The following ADAMTS9 variants were observed in gnomAD, a reference collection of about 807,000 sequenced individuals.
The protein encoded by ADAMTS9 is ADAM metallopeptidase with thrombospondin type 1 motif 9.
ADAMTS9 carries 107 observed loss-of-function variants against 257.1 expected under a neutral mutation model. That is an observed-to-expected ratio of 0.42 (90% CI 0.36 to 0.49). ADAMTS9 has a LOEUF of 0.49. Among genes scored for constraint, ADAMTS9 ranks in the 20% least tolerant of loss-of-function variants. ADAMTS9 has a pLI of 0.03. For synonymous variants in ADAMTS9, 982 were observed against 880.9 expected (o/e 1.11, Z -2.03); for missense variants, 2,353 against 2,469.1 (o/e 0.95, Z 1.00).
At chr3:64,594,112 C>A in intron 28 of ADAMTS9, 146 bp downstream of exon 28, 1 of 844,280 alleles carries the variant, frequency 1.2e-6, no homozygotes. Flanking sequence ...CTATTATGTG[C>A]CAATATGGAG....
chr3:64,638,734 C>T (rs891196211), intron 12 of ADAMTS9, among the ~76,000 whole-genome samples: 1 of 152,084 alleles, frequency 6.6e-6, no homozygotes. Context: ...TGGAGTAGAG[C>T]ATAATCTCAT....
intron 26 of ADAMTS9, among the ~76,000 whole-genome samples, chr3:64,597,670 G>C (rs771695422): frequency 3.9e-5 from 6 of 152,114 alleles, no homozygotes; most frequent in Non-Finnish European, 7.4e-5. Context: ...CGTGCTTTCA[G>C]CCTAACACCC....
rs1347072758 is a variant in ADAMTS9, at chr3:64,521,420, G to C, written c.*5+746C>G. Reference sequence around the variant, plus strand: ...AGAACTAAAAATATAACTACCATTTGACCCAGCAATCCATTACTGGGTATA... The same window carrying C: ...AGAACTAAAAATATAACTACCATTTCACCCAGCAATCCATTACTGGGTATA... On this transcript the variant is annotated intron_variant, in intron 39 of 39. Coordinates refer to ENST00000498707, the MANE Select transcript of ADAMTS9 (RefSeq NM_182920.2). 2.0e-5 allele frequency: 3 copies of C among 152,234 alleles called. No homozygotes were observed. The East Asian group carries it at 5.8e-4, about 29-fold the overall frequency. 9.4% of individuals were successfully genotyped at this position (152,234 alleles called of 1,614,324 possible). A position where few individuals can be genotyped will look rare whatever the true frequency, so the allele number is the denominator to read the frequency against.
chr3:64,593,591 C>G lies in ADAMTS9; in HGVS notation c.4356+667G>C, dbSNP rs539577953. On this transcript the variant is annotated intron_variant, in intron 28 of 39. Transcript: ENST00000498707. ...TGGCAAACCTGTCTCACCATGTCAG[C>G]TGCTGGCTAAGCAGATAGCAAAGGA... Among the ~76,000 whole-genome samples, 47 of 152,304 alleles carry G rather than the reference C, an allele frequency of 3.1e-4. No homozygotes were observed. In the South Asian group the frequency reaches 7.7e-3, roughly 25 times the overall value.
chr3:64,548,547 TCTTGACC>T (rs1400104690), intron 31 of ADAMTS9, among the ~76,000 whole-genome samples: 1 of 151,688 alleles, frequency 6.6e-6, no homozygotes. Flanking sequence ...GGAATGAGAC[TCTTGACC>T]CCTACAAACC....
chr3:64,531,704 C>A (rs183816234), intron 38 of ADAMTS9, among the ~76,000 whole-genome samples: 91 of 152,240 alleles, frequency 6.0e-4, no homozygotes, highest in Admixed American at 1.6e-3. Flanking sequence ...TAGGATCAGG[C>A]GATCCTCACT....
At chr3:64,607,863 G>T (rs1169071413) in intron 22 of ADAMTS9, among the ~76,000 whole-genome samples, 1 of 152,240 alleles carries the variant, frequency 6.6e-6, no homozygotes, top group East Asian at 1.9e-4. Flanking sequence ...AACGTGCAGG[G>T]ATCTTTTTTA....
chr3:64,669,734 C>G (rs1009138220), intron 3 of ADAMTS9, among the ~76,000 whole-genome samples: 3 of 151,882 alleles, frequency 2.0e-5, no homozygotes, highest in Non-Finnish European at 2.9e-5. Context: ...CAGAATAACT[C>G]CAAAAGAGAG....
At chr3:64,652,930 AATT>A (rs753780910) in intron 8 of ADAMTS9, among the ~76,000 whole-genome samples, 7 of 152,214 alleles carry the variant, frequency 4.6e-5, no homozygotes, top group Non-Finnish European at 7.3e-5. Flanking sequence ...TCATGCATAA[AATT>A]ATTTAAAAAT....
At chr3:64,535,416 T>C (rs2083036772) in intron 37 of ADAMTS9, among the ~76,000 whole-genome samples, 1 of 152,120 alleles carries the variant, frequency 6.6e-6, no homozygotes, top group Non-Finnish European at 1.5e-5. Flanking sequence ...GACAATATGC[T>C]ACAGAGGTTC....
intron 28 of ADAMTS9, chr3:64,587,967 T>G (rs1356000549): frequency 6.6e-6 from 1 of 152,076 alleles, no homozygotes; most frequent in African/African-American, 2.4e-5. Flanking sequence ...GGCAGAAGAT[T>G]AGGTTCTCCA....
At chr3:64,569,951 G>C (rs1015978327) in intron 28 of ADAMTS9, among the ~76,000 whole-genome samples, 39 of 152,112 alleles carry the variant, frequency 2.6e-4, no homozygotes, top group African/African-American at 9.4e-4. Context: ...TCTATATAAA[G>C]ACTTTGCGAT....
intron 21 of ADAMTS9, among the ~76,000 whole-genome samples, chr3:64,614,694 T>C (rs2084728440): frequency 6.6e-6 from 1 of 152,228 alleles, no homozygotes; most frequent in Non-Finnish European, 1.5e-5. Flanking sequence ...TACTATATCA[T>C]AAAAGCAAGA....
In ADAMTS9 at chr3:64,655,839, A is replaced by C. The variant is rs769277488; in HGVS notation, c.1006T>G (p.Leu336Val). Residue 336 changes from leucine (L) to valine (V), a missense_variant, in exon 5 of 40, where the codon TTA (leucine) becomes GTA (valine). Around this residue, in one of 3 missense-constraint regions of ADAMTS9, gnomAD observed 591 missense variants for 569.6 expected, o/e 1.04. Coordinates refer to ENST00000498707, the MANE Select transcript of ADAMTS9 (RefSeq NM_182920.2). ...AAGTTCACAATAACAATATTAATTA[A>C]ATTTCCAATACTTGGGTCTTTATAG... is the stretch of plus-strand genomic sequence containing the variant. Reference protein sequence around the residue: ...SIYKDPSIGNLINIVIVNLIV... With the variant: ...SIYKDPSIGNVINIVIVNLIV... 4.5e-6 allele frequency: 7 copies of C among 1,572,116 alleles called. No individual in the cohort carries two copies. The highest frequency in any genetic ancestry group is 2.1e-5 in the Admixed American group (1 of 48,500).
intron 36 of ADAMTS9, among the ~76,000 whole-genome samples, chr3:64,540,686 G>A (rs1262800195): frequency 6.6e-6 from 1 of 152,124 alleles, no homozygotes; most frequent in Non-Finnish European, 1.5e-5. Context: ...TGACCCCTGT[G>A]CCTGGCTAAC....
rs549373162 is a variant in ADAMTS9, at chr3:64,687,669, C to T, written c.-12G>A. On this transcript the variant is annotated 5_prime_UTR_variant, in exon 1 of 40. The change creates a new upstream start codon in the 5' untranslated region. Coordinates refer to ENST00000498707, the MANE Select transcript of ADAMTS9 (RefSeq NM_182920.2). The surrounding 1 kb of genome is among the most constrained non-coding windows in gnomAD (Gnocchi z 4.4). ...GATACAAACTGCATGGTGCTTCCCA[C>T]CCCTCCCTCCGCTGCCCCCACCCCC... 9 of 1,497,518 alleles carry T rather than the reference C, an allele frequency of 6.0e-6. No homozygotes were observed. The South Asian group carries it at 1.1e-4, about 19-fold the overall frequency. The allele number at this position is 1,497,518 out of a possible 1,614,324, so 92.8% of individuals were successfully genotyped here. A position where few individuals can be genotyped will look rare whatever the true frequency, so the allele number is the denominator to read the frequency against.
At chr3:64,569,849 C>G (rs1220101827) in intron 28 of ADAMTS9, among the ~76,000 whole-genome samples, 2 of 152,094 alleles carry the variant, frequency 1.3e-5, no homozygotes, top group Non-Finnish European at 2.9e-5. Flanking sequence ...TTCTGAAAAT[C>G]TTAATGGAGT....
chr3:64,534,427 C>T (rs904403139), intron 37 of ADAMTS9, among the ~76,000 whole-genome samples: 1 of 152,158 alleles, frequency 6.6e-6, no homozygotes, highest in Non-Finnish European at 1.5e-5. Context: ...TGTAAGTGTT[C>T]GTGTGATCTC....
At chr3:64,597,075 A>C (rs75012446) in intron 26 of ADAMTS9, 84 bp from the exon 27 acceptor site, 6 of 1,542,014 alleles carry the variant, frequency 3.9e-6, no homozygotes, top group Non-Finnish European at 4.4e-6. Flanking sequence ...GGTTAAGACA[A>C]ATGTGCTGAA....
Sources: gnomAD v4.1 joint callset for allele counts (sites outside exome capture counted in the v4.1 genomes callset) on GRCh38, gnomAD v4.1.1 for gene constraint, gnomAD v4.1.1 regional missense constraint, Gnocchi (gnomAD v3.1) non-coding constraint, MANE v1.5 for transcripts, NCBI Gene and HGNC (gene_info 2026-07-23, HGNC 2026-07-21) for gene names.